ABCA13: variants seen among roughly 807,000 people sequenced by gnomAD.
ABCA13 encodes the protein ATP-binding cassette sub-family A member 13.
ABCA13 carries 476 observed loss-of-function variants against 478.7 expected under a neutral mutation model. The ratio of observed to expected loss-of-function variants is 0.99; its 90% confidence interval spans 0.92 to 1.07. ABCA13 has a LOEUF of 1.07. Ranked by LOEUF, ABCA13 falls within the 50% of genes least tolerant of loss-of-function variation. The pLI, the probability that ABCA13 is intolerant of heterozygous loss-of-function variation, is 0.00. For synonymous variants in ABCA13, 2,252 were observed against 2,158.9 expected (o/e 1.04, Z -1.20); for missense variants, 6,060 against 5,910.6 (o/e 1.03, Z -0.83).
At chr7:48,280,052 G>A (rs972659677) in intron 18 of ABCA13, 132 bp downstream of exon 18, 27 of 993,508 alleles carry the variant, frequency 2.7e-5, no homozygotes, top group Non-Finnish European at 3.5e-5. Flanking sequence ...CTCTGAAGTT[G>A]GCTTCAACAT....
intron 43 of ABCA13, among the ~76,000 whole-genome samples, chr7:48,460,079 C>T (rs1014736236): frequency 2.0e-5 from 3 of 152,006 alleles, no homozygotes; most frequent in African/African-American, 7.3e-5. Flanking sequence ...AGAAAAAGAC[C>T]TAGAAGGAGC....
In ABCA13 at chr7:48,279,327, A is replaced by G; in HGVS notation, c.8133A>G (p.Glu2711=). 6.3e-7 allele frequency: 1 copy of G among 1,586,276 alleles called. No homozygotes were observed. Residue 2711 remains glutamate (E), a synonymous_variant, in exon 18 of 62, where the codon GAA becomes GAG. Transcript: ENST00000435803. ...GTGGCCCTCAAGATATAAAATGGGA[A>G]ATAATTCATGAAGTGATCCCTTTTT... ...THSGPQDIKW[E]IIHEVIPFLD...
At position 48,241,448 on chromosome 7, in the gene ABCA13, T is replaced by A. The variant is rs565091719; in HGVS notation, c.1262+382T>A. On this transcript the variant is annotated intron_variant, in intron 10 of 61. Coordinates refer to ENST00000435803, the MANE Select transcript of ABCA13 (RefSeq NM_152701.5). The stretch of plus-strand genomic sequence containing the variant: ...CTAGAATCTTCCTCTTCAAAAAATA[T>A]GTTTTTATATTTACTTAAAGATTTT... Among the ~76,000 whole-genome samples the A allele has an allele frequency of 9.3e-4, 142 of 152,378 alleles. No homozygotes were observed. The South Asian group carries it at 0.025, about 27-fold the overall frequency.
At chr7:48,601,912 A>T (rs1454147905) in intron 58 of ABCA13, among the ~76,000 whole-genome samples, 1 of 152,214 alleles carries the variant, frequency 6.6e-6, no homozygotes, top group Non-Finnish European at 1.5e-5. Flanking sequence ...AATGATCACC[A>T]TTCTAACTGG....
At chr7:48,248,603 A>C (rs934962478) in intron 14 of ABCA13, among the ~76,000 whole-genome samples, 159 bp downstream of exon 14, 1 of 152,232 alleles carries the variant, frequency 6.6e-6, no homozygotes, top group African/African-American at 2.4e-5. Context: ...GTACTGTTGG[A>C]AAGCATCTAA....
rs934547047 is a variant in ABCA13 at position 48,375,864 on chromosome 7, G to A, written c.11204-577G>A. Among the ~76,000 whole-genome samples, 52 of 152,032 alleles carry A rather than the reference G, an allele frequency of 3.4e-4. 1 individual carries two copies. The highest frequency in any genetic ancestry group is 3.4e-3 in the Admixed American group (52 of 15,250). ...ACTGTTAGACCATTTGAATATTTTG[G>A]TCTAAATTCCAAGTACACAATGATT... is the stretch of plus-strand genomic sequence containing the variant. On this transcript the variant is annotated intron_variant, in intron 34 of 61. Transcript: ENST00000435803.
At chr7:48,191,373 C>G (rs1308552781) in intron 1 of ABCA13, among the ~76,000 whole-genome samples, 1 of 152,174 alleles carries the variant, frequency 6.6e-6, no homozygotes, top group Non-Finnish European at 1.5e-5. Context: ...GAAATACTTC[C>G]TCGTGGAATA....
At chr7:48,350,908 A>T in intron 30 of ABCA13, 89 bp downstream of exon 30, 4 of 1,323,474 alleles carry the variant, frequency 3.0e-6, no homozygotes, top group Non-Finnish European at 3.1e-6. Flanking sequence ...GTGTCTTATG[A>T]TAGCTCAGAA....
intron 2 of ABCA13, among the ~76,000 whole-genome samples, chr7:48,196,035 G>T (rs1013092816): frequency 1.3e-5 from 2 of 152,248 alleles, no homozygotes; most frequent in Non-Finnish European, 2.9e-5. Context: ...GGCAAAAAAA[G>T]CTTGCATGCA....
intron 56 of ABCA13, among the ~76,000 whole-genome samples, chr7:48,580,750 A>G (rs1788626322): frequency 6.6e-6 from 1 of 152,186 alleles, no homozygotes; most frequent in Admixed American, 6.5e-5. Context: ...GGCTTGTGAA[A>G]GTGTGGGCAC....
intron 59 of ABCA13, chr7:48,627,045 C>G: frequency 1.0e-6 from 1 of 985,314 alleles, no homozygotes; most frequent in Non-Finnish European, 1.2e-6. Flanking sequence ...AGCTCAGATT[C>G]ATGTTGCTGC....
At position 48,245,509 on chromosome 7, in the gene ABCA13, C is replaced by T. The variant is rs572398129; in HGVS notation, c.1391-3C>T. 8 of 1,607,118 alleles carry T rather than the reference C, an allele frequency of 5.0e-6. No homozygotes were observed. In the East Asian group the frequency reaches 1.6e-4, roughly 31 times the overall value. Reference sequence around the variant, plus strand: ...AATAATAATCAATTTGTCTACTTTGCAGAAGTCCTCATTTGCCTGGAGACA... The same window carrying T: ...AATAATAATCAATTTGTCTACTTTGTAGAAGTCCTCATTTGCCTGGAGACA... On this transcript the variant is annotated splice_polypyrimidine_tract_variant and splice_region_variant and intron_variant, in intron 11 of 61. Coordinates refer to ENST00000435803, the MANE Select transcript of ABCA13 (RefSeq NM_152701.5).
intron 1 of ABCA13, among the ~76,000 whole-genome samples, chr7:48,188,948 C>T (rs1796724272): frequency 6.6e-6 from 1 of 152,180 alleles, no homozygotes; most frequent in South Asian, 2.1e-4. Context: ...CTTCCACCCT[C>T]TGCTGGTCGG....
At chr7:48,459,136 G>A (rs529279268) in intron 43 of ABCA13, among the ~76,000 whole-genome samples, 8 of 152,284 alleles carry the variant, frequency 5.3e-5, no homozygotes, top group African/African-American at 9.6e-5. Context: ...GGGTGGAGGC[G>A]AGCAGCACAG....
At chr7:48,473,505 C>G (rs1193090253) in intron 45 of ABCA13, among the ~76,000 whole-genome samples, 1 of 152,154 alleles carries the variant, frequency 6.6e-6, no homozygotes, top group Non-Finnish European at 1.5e-5. Context: ...AGGACCTTGC[C>G]CTAACTATCT....
At chr7:48,527,537 T>C (rs576938184) in intron 54 of ABCA13, among the ~76,000 whole-genome samples, 1 of 152,232 alleles carries the variant, frequency 6.6e-6, no homozygotes, top group East Asian at 1.9e-4. Context: ...AGGCACATGA[T>C]AGAGACAAAG....
rs144807951 is a variant in ABCA13, at chr7:48,204,516, T to G, written c.287+6156T>G. Reference sequence around the variant, plus strand: ...GTGAGCCACCGCGCCCGGCCTATCCTTGTTTCTTAAATGGCTTTCCTGACA... The same window carrying G: ...GTGAGCCACCGCGCCCGGCCTATCCGTGTTTCTTAAATGGCTTTCCTGACA... On this transcript the variant is annotated intron_variant, in intron 3 of 61. Coordinates refer to ENST00000435803, the MANE Select transcript of ABCA13 (RefSeq NM_152701.5). Among the ~76,000 whole-genome samples, 777 of 152,214 alleles carry G rather than the reference T, an allele frequency of 5.1e-3. 3 individuals carry two copies. Among genetic ancestry groups the G allele is most frequent in the African/African-American group, 0.018 (735 of 41,566 alleles).
rs182746511 is a variant in ABCA13 at position 48,215,989 on chromosome 7, G to A, written c.288-3365G>A. ...CTAATATTCCCTTGTATAGATACAG[G>A]ACAGTTTCTTTATCTTTTCCTCTGT... On this transcript the variant is annotated intron_variant, in intron 3 of 61. Transcript: ENST00000435803. Among the ~76,000 whole-genome samples the A allele has an allele frequency of 3.3e-5, 5 of 152,240 alleles. No homozygotes were observed. The East Asian group carries it at 9.7e-4, about 29-fold the overall frequency.
intron 41 of ABCA13, among the ~76,000 whole-genome samples, chr7:48,422,756 A>G (rs1057086530): frequency 4.6e-5 from 7 of 152,210 alleles, no homozygotes; most frequent in African/African-American, 1.7e-4. Flanking sequence ...CCCATATGGG[A>G]CTGTGGCAGG....
Sources: allele counts gnomAD v4.1 joint callset (sites outside exome capture counted in the v4.1 genomes callset), GRCh38; gene constraint gnomAD v4.1.1; transcripts MANE v1.5; gene names NCBI Gene and HGNC (gene_info 2026-07-23, HGNC 2026-07-21).